TCF7L1: variants seen among roughly 807,000 people sequenced by gnomAD.
TCF7L1 encodes the protein transcription factor 7-like 1.
In TCF7L1, 18 loss-of-function variants were observed where a neutral mutation model predicts 63.7. The observed-to-expected ratio is 0.28, with a 90% CI of 0.20 to 0.42. The LOEUF is 0.42. Ranked by LOEUF, TCF7L1 falls within the 10% of genes least tolerant of loss-of-function variation. The pLI is 1.00. For synonymous variants in TCF7L1, 355 were observed against 340.9 expected, an observed-to-expected ratio of 1.04 and a Z score of -0.46; for missense variants, 654 against 779.3, an observed-to-expected ratio of 0.84 and a Z score of 1.91.
chr2:85,144,746 T>TG (rs1449994509), intron 3 of TCF7L1, among the ~76,000 whole-genome samples: 1 of 149,144 alleles, frequency 6.7e-6, no homozygotes, highest in East Asian at 2.0e-4. Context: ...TGTGTGTGTG[T>TG]GTGTATGTGT....
At chr2:85,219,378 C>T (rs1432819538) in intron 3 of TCF7L1, among the ~76,000 whole-genome samples, 1 of 152,056 alleles carries the variant, frequency 6.6e-6, no homozygotes, top group African/African-American at 2.4e-5. Context: ...TCTTATGACC[C>T]AGCAAATCTA....
chr2:85,244,916 A>G (rs1680424876), intron 3 of TCF7L1, among the ~76,000 whole-genome samples: 1 of 152,158 alleles, frequency 6.6e-6, no homozygotes, highest in Non-Finnish European at 1.5e-5. Flanking sequence ...AGGTAGGAGG[A>G]GACCTGGTGG....
chr2:85,137,766 A>ATT (rs1677629372), intron 3 of TCF7L1, among the ~76,000 whole-genome samples: 2 of 151,910 alleles, frequency 1.3e-5, no homozygotes, highest in African/African-American at 4.8e-5. Flanking sequence ...GCTGGCGAGC[A>ATT]CCTGCAATTC....
intron 3 of TCF7L1, among the ~76,000 whole-genome samples, chr2:85,169,953 G>T (rs376346000): frequency 1.3e-5 from 2 of 152,222 alleles, no homozygotes; most frequent in Non-Finnish European, 1.5e-5. Flanking sequence ...TGAGATAATT[G>T]TGAAAGATCC....
intron 3 of TCF7L1, among the ~76,000 whole-genome samples, chr2:85,236,172 C>G (rs543604540): frequency 1.6e-4 from 21 of 134,650 alleles, no homozygotes; most frequent in South Asian, 2.1e-4. Context: ...CATCCCCCCC[C>G]CAAAAAAAAC....
chr2:85,221,001 A>G (rs192904605), intron 3 of TCF7L1, among the ~76,000 whole-genome samples: 72 of 152,344 alleles, frequency 4.7e-4, no homozygotes, highest in African/African-American at 1.7e-3. Context: ...ACAAGAAAGC[A>G]TGAAAGCTAT....
At position 85,134,822 on chromosome 2, in the gene TCF7L1, G is replaced by T. The variant is rs1456438621; in HGVS notation, c.441+372G>T. ...CTCTGGCAGTGGGGCAAGGGGCCTA[G>T]GGAGCTGGGTTGGCGACGTTGTCCT... On this transcript the variant is annotated intron_variant, in intron 3 of 11. Coordinates refer to ENST00000282111, the MANE Select transcript of TCF7L1 (RefSeq NM_031283.3). This position sits in a 1 kb window ranked among gnomAD's most constrained non-coding sequence, Gnocchi z 5.0. 6.6e-6 allele frequency among the ~76,000 whole-genome samples: 1 copy of T among 152,134 alleles called. No individual in the cohort carries two copies. The highest frequency in any genetic ancestry group is 1.5e-5 in the Non-Finnish European group (1 of 68,026).
chr2:85,306,684 A>G lies in TCF7L1; in HGVS notation c.1257+125A>G. On this transcript the variant is annotated intron_variant, in intron 10 of 11. Transcript: ENST00000282111. The surrounding 1 kb of genome is among the most constrained non-coding windows in gnomAD (Gnocchi z 4.3). ...TTTATTTTCTTTTATTTTTTGAGACAGAGGCTCACCCTGTCACCCAGGCTG... is the reference window on the plus strand; with the variant it reads ...TTTATTTTCTTTTATTTTTTGAGACGGAGGCTCACCCTGTCACCCAGGCTG... 1.2e-6 allele frequency: 1 copy of G among 819,246 alleles called. No individual in the cohort carries two copies. The highest frequency in any genetic ancestry group is 2.7e-5 in the East Asian group (1 of 36,612). The allele number at this position is 819,246 out of a possible 1,614,324, so 50.7% of individuals were successfully genotyped here.
intron 3 of TCF7L1, among the ~76,000 whole-genome samples, chr2:85,171,286 A>G (rs1285927103): frequency 6.6e-6 from 1 of 152,186 alleles, no homozygotes; most frequent in East Asian, 1.9e-4. Context: ...GAATTGTGGG[A>G]GCTACAATTC....
chr2:85,297,179 A>G (rs949184186), intron 4 of TCF7L1, among the ~76,000 whole-genome samples: 5 of 152,210 alleles, frequency 3.3e-5, no homozygotes, highest in African/African-American at 1.2e-4. Flanking sequence ...GGCTTATCCC[A>G]AGAATGACAA....
intron 3 of TCF7L1, among the ~76,000 whole-genome samples, chr2:85,236,128 G>C (rs1680185148): frequency 6.6e-6 from 1 of 152,000 alleles, no homozygotes; most frequent in Non-Finnish European, 1.5e-5. Context: ...ACCCCAGCCT[G>C]GGTGACAGAG....
At chr2:85,211,422 G>T (rs1364401557) in intron 3 of TCF7L1, among the ~76,000 whole-genome samples, 6 of 152,204 alleles carry the variant, frequency 3.9e-5, no homozygotes, top group Non-Finnish European at 8.8e-5. Context: ...AACCTCAACA[G>T]GTCATTATGA....
chr2:85,283,916 C>T (rs920962938), intron 4 of TCF7L1, among the ~76,000 whole-genome samples: 1 of 152,268 alleles, frequency 6.6e-6, no homozygotes, highest in Non-Finnish European at 1.5e-5. Context: ...GGTGGCTTCT[C>T]TGTCCTGTTG....
intron 3 of TCF7L1, among the ~76,000 whole-genome samples, chr2:85,232,131 G>A (rs1443247085): frequency 6.6e-6 from 1 of 152,168 alleles, no homozygotes; most frequent in African/African-American, 2.4e-5. Context: ...CAAGGCGATC[G>A]GGTCAGGGCT....
intron 3 of TCF7L1, among the ~76,000 whole-genome samples, chr2:85,166,402 G>A (rs947102150): frequency 6.6e-6 from 1 of 152,206 alleles, no homozygotes; most frequent in African/African-American, 2.4e-5. Context: ...AGGGCACAAG[G>A]GCACCAGCTG....
At chr2:85,307,610 A>G (rs753806033) in intron 10 of TCF7L1, 32 bp from the exon 11 acceptor site, 1 of 1,604,106 alleles carries the variant, frequency 6.2e-7, no homozygotes, top group Non-Finnish European at 8.5e-7. Context: ...CTTCTCTCCC[A>G]GCTTACCTCT....
chr2:85,153,443 G>A (rs372953980), intron 3 of TCF7L1, among the ~76,000 whole-genome samples: 4 of 147,664 alleles, frequency 2.7e-5, no homozygotes, highest in East Asian at 2.0e-4. Flanking sequence ...CCGGGTTCAC[G>A]CCATTCTCCT....
chr2:85,216,443 C>G (rs976410014), intron 3 of TCF7L1, among the ~76,000 whole-genome samples: 1 of 152,156 alleles, frequency 6.6e-6, no homozygotes. Flanking sequence ...TTTTCGGAAA[C>G]GATGGATTCC....
chr2:85,167,023 C>T (rs2583555), intron 3 of TCF7L1: 11,708 of 152,252 alleles, frequency 0.077, 595 homozygotes, highest in Non-Finnish European at 0.12. Flanking sequence ...CTCAGCCTCC[C>T]GAGTAGCTGG....
Sources: allele counts gnomAD v4.1 joint callset (sites outside exome capture counted in the v4.1 genomes callset), GRCh38; gene constraint gnomAD v4.1.1; non-coding constraint Gnocchi (gnomAD v3.1); transcripts MANE v1.5; gene names NCBI Gene and HGNC (gene_info 2026-07-23, HGNC 2026-07-21).